The following SGCD variants were observed in gnomAD, a reference collection of about 807,000 sequenced individuals.
The protein encoded by SGCD is sarcoglycan delta.
SGCD carries 18 observed loss-of-function variants against 36.6 expected under a neutral mutation model. The observed-to-expected ratio is 0.49, with a 90% CI of 0.34 to 0.73. The LOEUF (loss-of-function observed/expected upper bound fraction) is 0.73, where lower values mean the gene tolerates loss of function less well. SGCD is among the 30% of genes least tolerant of loss of function. The pLI is 0.01. For synonymous variants in SGCD, 133 were observed against 130.6 expected (o/e 1.02, Z -0.12); for missense variants, 387 against 346.7 (o/e 1.12, Z -0.92).
intron 3 of SGCD, among the ~76,000 whole-genome samples, chr5:156,428,528 A>C (rs1380891273): frequency 4.6e-5 from 7 of 151,414 alleles, no homozygotes; most frequent in Non-Finnish European, 4.4e-5. Flanking sequence ...TTTTTGTTTC[A>C]TTTTTATTTA....
At chr5:155,729,237 TCAC>T in the SGCD span, among the ~76,000 whole-genome samples, 1 of 152,228 alleles carries the variant, frequency 6.6e-6, no homozygotes, top group Non-Finnish European at 1.5e-5. Flanking sequence ...GCTGACTTCC[TCAC>T]CAACGTGCCA....
At chr5:155,887,336 G>GA (rs1290549961) in intron 1 of SGCD, among the ~76,000 whole-genome samples, 4 of 152,146 alleles carry the variant, frequency 2.6e-5, no homozygotes, top group Non-Finnish European at 5.9e-5. Flanking sequence ...CATTTGAGAA[G>GA]AAAAATGACT....
chr5:156,109,542 C>T (rs534394205), intron 1 of SGCD, among the ~76,000 whole-genome samples: 1 of 152,136 alleles, frequency 6.6e-6, no homozygotes, highest in South Asian at 2.1e-4. Flanking sequence ...GTTTAGAGTG[C>T]TCTGTCCTCA....
At chr5:155,991,923 A>G (rs771778346) in intron 1 of SGCD, among the ~76,000 whole-genome samples, 3 of 152,182 alleles carry the variant, frequency 2.0e-5, no homozygotes, top group Non-Finnish European at 4.4e-5. Context: ...GCACTGGGGG[A>G]TAAGAATTTA....
At chr5:156,386,398 A>G (rs1771279453) in intron 3 of SGCD, among the ~76,000 whole-genome samples, 1 of 152,234 alleles carries the variant, frequency 6.6e-6, no homozygotes, top group Admixed American at 6.5e-5. Context: ...AAATATTAAC[A>G]TAGCACAAAG....
At chr5:156,039,331 A>G (rs900925380) in intron 1 of SGCD, among the ~76,000 whole-genome samples, 1 of 152,128 alleles carries the variant, frequency 6.6e-6, no homozygotes, top group African/African-American at 2.4e-5. Context: ...AAAATTTCAA[A>G]TGCTGTTTGC....
intron 3 of SGCD, among the ~76,000 whole-genome samples, chr5:156,138,246 A>G (rs1368610285): frequency 1.3e-5 from 2 of 152,138 alleles, no homozygotes; most frequent in African/African-American, 4.8e-5. Flanking sequence ...CTAAAAATAG[A>G]AAAAATTAGC....
chr5:155,837,958 C>CT, the SGCD span, among the ~76,000 whole-genome samples: 4 of 151,802 alleles, frequency 2.6e-5, no homozygotes, highest in African/African-American at 4.8e-5. Flanking sequence ...TTTTTAAACT[C>CT]TTTTTTTTAT....
intron 4 of SGCD, among the ~76,000 whole-genome samples, chr5:156,547,528 C>T (rs1488776066): frequency 4.0e-5 from 6 of 151,780 alleles, no homozygotes; most frequent in South Asian, 2.1e-4. Context: ...CTGCGAGCTC[C>T]GCCTCCCGGG....
intron 1 of SGCD, among the ~76,000 whole-genome samples, chr5:155,874,035 A>G (rs780497992): frequency 5.3e-5 from 8 of 152,270 alleles, no homozygotes; most frequent in Non-Finnish European, 1.0e-4. Context: ...TGCTCATATC[A>G]ACAGGGGGCT....
chr5:156,420,674 A>G (rs1773260825), intron 3 of SGCD, among the ~76,000 whole-genome samples: 1 of 152,134 alleles, frequency 6.6e-6, no homozygotes, highest in Non-Finnish European at 1.5e-5. Flanking sequence ...ATAAGATATC[A>G]ATGAGATATT....
chr5:156,425,820 C>T (rs1773648904), intron 3 of SGCD, among the ~76,000 whole-genome samples: 1 of 152,058 alleles, frequency 6.6e-6, no homozygotes, highest in Admixed American at 6.6e-5. Flanking sequence ...ATTTGCTTTT[C>T]TATTATTGAA....
chr5:155,845,965 C>A, the SGCD span, among the ~76,000 whole-genome samples: 1 of 152,072 alleles, frequency 6.6e-6, no homozygotes, highest in East Asian at 1.9e-4. Flanking sequence ...GATAGGTTTG[C>A]TTTTTTAAAT....
At chr5:155,928,616 C>T (rs1464730419) in intron 1 of SGCD, among the ~76,000 whole-genome samples, 33 of 143,682 alleles carry the variant, frequency 2.3e-4, no homozygotes, top group African/African-American at 8.7e-4. Context: ...TTCAGTGAGC[C>T]GAGATCGCAC....
chr5:156,715,786 T>C (rs1755195095), intron 7 of SGCD, among the ~76,000 whole-genome samples: 1 of 152,136 alleles, frequency 6.6e-6, no homozygotes, highest in Admixed American at 6.5e-5. Flanking sequence ...AAAGAGATCA[T>C]CCTCATATTG....
chr5:155,933,041 T>A (rs1456964881), intron 1 of SGCD, among the ~76,000 whole-genome samples: 1 of 152,240 alleles, frequency 6.6e-6, no homozygotes. Context: ...AGGGTTAGTA[T>A]GTTGCTTTGT....
At chr5:156,465,996 A>G (rs1178609814) in intron 3 of SGCD, among the ~76,000 whole-genome samples, 1 of 152,196 alleles carries the variant, frequency 6.6e-6, no homozygotes, top group African/African-American at 2.4e-5. Context: ...AAGAAAAAGC[A>G]ATATACTTAT....
At chr5:156,086,418 G>A (rs1027227346) in intron 1 of SGCD, among the ~76,000 whole-genome samples, 2 of 152,208 alleles carry the variant, frequency 1.3e-5, no homozygotes, top group African/African-American at 4.8e-5. Context: ...AATGGCAAAG[G>A]CTCTATGCCT....
At chr5:155,783,677 C>T in the SGCD span, among the ~76,000 whole-genome samples, 8,333 of 152,136 alleles carry the variant, frequency 0.055, 255 homozygotes, top group Middle Eastern at 0.082. Context: ...TAGTAAAACA[C>T]TTGTTCACTT....
Sources: gnomAD v4.1 joint callset for allele counts (sites outside exome capture counted in the v4.1 genomes callset) on GRCh38, gnomAD v4.1.1 for gene constraint, MANE v1.5 for transcripts, NCBI Gene and HGNC (gene_info 2026-07-23, HGNC 2026-07-21) for gene names.